IQSEC1: variants seen among roughly 807,000 people sequenced by gnomAD.
IQSEC1 encodes IQ motif and Sec7 domain ArfGEF 1, also known as IQ motif and SEC7 domain-containing protein 1.
A neutral mutation model predicts 91.0 loss-of-function variants in IQSEC1; 31 were observed. The observed-to-expected ratio is 0.34, with a 90% CI of 0.26 to 0.46. IQSEC1 has a LOEUF of 0.46. Ranked by LOEUF, IQSEC1 falls within the 20% of genes least tolerant of loss-of-function variation. The pLI, the probability that IQSEC1 is intolerant of heterozygous loss-of-function variation, is 1.00. For missense variants in IQSEC1, 1,388 were observed against 1,575.6 expected (o/e 0.88, Z 2.02); for synonymous variants, 699 against 662.6 (o/e 1.05, Z -0.84).
rs1001310566 is a variant in IQSEC1 at position 12,920,288 on chromosome 3, G to A, written c.2020+142C>T. On this transcript the variant is annotated intron_variant, in intron 6 of 13. Transcript: ENST00000613206. Reference sequence around the variant, plus strand: ...TTCCAGTCATCTGTGCTCCCCAAAGGCCCCTCCATGCCAGACCCTGGAGTG... The same window carrying A: ...TTCCAGTCATCTGTGCTCCCCAAAGACCCCTCCATGCCAGACCCTGGAGTG... 3.9e-6 allele frequency: 3 copies of A among 769,532 alleles called. No homozygotes were observed. The Admixed American group carries it at 6.9e-5, about 18-fold the overall frequency. 47.7% of individuals were successfully genotyped at this position (769,532 alleles called of 1,614,324 possible). A position where few individuals can be genotyped will look rare whatever the true frequency, so the allele number is the denominator to read the frequency against.
rs2125528311 is a variant in IQSEC1 at position 12,967,964 on chromosome 3, A to G, written c.24-26099T>C. 6.6e-6 allele frequency among the ~76,000 whole-genome samples: 1 copy of G among 152,246 alleles called. No individual in the cohort carries two copies. Among genetic ancestry groups the G allele is most frequent in the Admixed American group, 6.5e-5 (1 of 15,306 alleles). On this transcript the variant is annotated intron_variant, in intron 1 of 13. Transcript: ENST00000613206. The surrounding 1 kb of genome is among the most constrained non-coding windows in gnomAD (Gnocchi z 5.9). ...GGGGCCGAGCCGAGGCGCGGGGTGC[A>G]GAGCGCAAGGGCGGAGTCCCAGACA... is the stretch of plus-strand genomic sequence containing the variant.
intron 1 of IQSEC1, among the ~76,000 whole-genome samples, chr3:13,020,531 T>C (rs2124967704): frequency 6.6e-6 from 1 of 152,360 alleles, no homozygotes; most frequent in African/African-American, 2.4e-5. Context: ...GGTTTCCCCT[T>C]TCCCTTTGGC....
chr3:12,976,228 A>G lies in IQSEC1; in HGVS notation c.24-34363T>C, dbSNP rs116270441. On this transcript the variant is annotated intron_variant, in intron 1 of 13. Coordinates refer to ENST00000613206, the MANE Select transcript of IQSEC1 (RefSeq NM_001134382.3). Reference sequence around the variant, plus strand: ...CTGGGGTCTGCCCCTGGCCCTCTGGAAGGGAGTGACACTGGGGAAAAGCAG... The same window carrying G: ...CTGGGGTCTGCCCCTGGCCCTCTGGGAGGGAGTGACACTGGGGAAAAGCAG... Among the ~76,000 whole-genome samples, 1,043 of 152,232 alleles carry G rather than the reference A, an allele frequency of 6.9e-3. 16 individuals are homozygous for G. Among genetic ancestry groups the G allele is most frequent in the African/African-American group, 0.024 (985 of 41,542 alleles).
intron 1 of IQSEC1, among the ~76,000 whole-genome samples, chr3:13,021,085 C>T (rs572947931): frequency 3.9e-5 from 6 of 152,318 alleles, no homozygotes; most frequent in African/African-American, 9.6e-5. Flanking sequence ...TGCCCTTAGG[C>T]GGCATCCAAG....
intron 1 of IQSEC1, among the ~76,000 whole-genome samples, chr3:13,029,929 C>T (rs536612162): frequency 1.2e-4 from 19 of 152,314 alleles, no homozygotes; most frequent in African/African-American, 4.1e-4. Flanking sequence ...TGGCTTTCCT[C>T]CATTCCCAGA....
chr3:13,245,183 G>A (rs780333845), intron 1 of IQSEC1, among the ~76,000 whole-genome samples: 1 of 152,152 alleles, frequency 6.6e-6, no homozygotes, highest in African/African-American at 2.4e-5. Flanking sequence ...GCTCAGCAAG[G>A]GGCTGGCTGG....
chr3:13,156,035 A>G (rs1022112652), intron 2 of IQSEC1, among the ~76,000 whole-genome samples: 1 of 150,226 alleles, frequency 6.7e-6, no homozygotes, highest in Non-Finnish European at 1.5e-5. Context: ...TCTGCCCAAC[A>G]TGTAGAAACT....
At chr3:13,271,191 C>T (rs1695585386) in intron 1 of IQSEC1, among the ~76,000 whole-genome samples, 2 of 151,994 alleles carry the variant, frequency 1.3e-5, no homozygotes, top group South Asian at 4.2e-4. Context: ...TCCTGGCTAA[C>T]ACGGTGAAAC....
intron 1 of IQSEC1, among the ~76,000 whole-genome samples, chr3:12,990,626 C>T (rs6442344): frequency 0.21 from 32,264 of 152,058 alleles, 4,248 homozygotes; most frequent in African/African-American, 0.37. Context: ...GTCTGGACTC[C>T]GCGCACTTGA....
At chr3:13,213,966 C>G (rs1037047025) in intron 1 of IQSEC1, among the ~76,000 whole-genome samples, 2 of 152,126 alleles carry the variant, frequency 1.3e-5, no homozygotes, top group South Asian at 4.1e-4. Flanking sequence ...CCATCTAGGG[C>G]CCTCTCCCAA....
At chr3:13,242,325 A>G (rs1695034219) in intron 1 of IQSEC1, among the ~76,000 whole-genome samples, 1 of 152,210 alleles carries the variant, frequency 6.6e-6, no homozygotes. Context: ...GGTGACCCAC[A>G]TGAGGTGCGG....
At chr3:13,064,001 T>A (rs531071394) in intron 1 of IQSEC1, among the ~76,000 whole-genome samples, 8 of 134,812 alleles carry the variant, frequency 5.9e-5, no homozygotes, top group African/African-American at 1.4e-4. Flanking sequence ...TTTGCAGTTG[T>A]AAAAAAAAAA....
At chr3:13,237,709 G>A (rs960441068) in intron 1 of IQSEC1, among the ~76,000 whole-genome samples, 2 of 152,234 alleles carry the variant, frequency 1.3e-5, no homozygotes, top group Non-Finnish European at 2.9e-5. Context: ...CCTCAGCTCC[G>A]CGGTCGGTTT....
chr3:13,107,277 C>T (rs896202260), intron 2 of IQSEC1, among the ~76,000 whole-genome samples: 1 of 152,200 alleles, frequency 6.6e-6, no homozygotes. Flanking sequence ...AAACAAAGCC[C>T]TTTCCTACTT....
chr3:13,090,067 T>A (rs56168410), intron 2 of IQSEC1, among the ~76,000 whole-genome samples: 50,473 of 151,508 alleles, frequency 0.33, 8,627 homozygotes, highest in Middle Eastern at 0.55. Flanking sequence ...ATACAAAAAA[T>A]ATTAGCGGGG....
intron 1 of IQSEC1, among the ~76,000 whole-genome samples, chr3:13,192,637 G>GGACT (rs1198815940): frequency 4.6e-5 from 7 of 152,202 alleles, no homozygotes; most frequent in Admixed American, 1.3e-4. Context: ...GGCCCCAAGA[G>GGACT]GACTCACCCT....
intron 1 of IQSEC1, among the ~76,000 whole-genome samples, chr3:13,018,645 G>A (rs62242720): frequency 1.1e-3 from 175 of 152,286 alleles, no homozygotes; most frequent in Admixed American, 5.3e-3. Context: ...CAGGGAAGAC[G>A]CAGGGAGGGG....
intron 1 of IQSEC1, among the ~76,000 whole-genome samples, chr3:13,016,629 T>TA (rs879723074): frequency 1.3e-5 from 2 of 152,140 alleles, no homozygotes; most frequent in African/African-American, 2.4e-5. Flanking sequence ...TCAGGGTCCT[T>TA]ACACCAGCTG....
intron 1 of IQSEC1, among the ~76,000 whole-genome samples, chr3:13,038,537 T>A (rs1320475040): frequency 2.0e-5 from 3 of 151,936 alleles, no homozygotes; most frequent in Non-Finnish European, 4.4e-5. Context: ...GTATGGTTAA[T>A]GAATACAAAA....
Sources: allele counts gnomAD v4.1 joint callset (sites outside exome capture counted in the v4.1 genomes callset), GRCh38; gene constraint gnomAD v4.1.1; non-coding constraint Gnocchi (gnomAD v3.1); transcripts MANE v1.5; gene names NCBI Gene and HGNC (gene_info 2026-07-23, HGNC 2026-07-21).